The following TMEM63C variants were observed in gnomAD, a reference collection of about 807,000 sequenced individuals.
TMEM63C encodes the protein osmosensitive cation channel TMEM63C.
TMEM63C carries 32 observed loss-of-function variants against 99.2 expected under a neutral mutation model. That is an observed-to-expected ratio of 0.32 (90% confidence interval 0.24 to 0.43). The LOEUF (loss-of-function observed/expected upper bound fraction) is 0.43. Ranked by LOEUF, TMEM63C falls within the 20% of genes least tolerant of loss-of-function variation. The probability of loss-of-function intolerance (pLI) is 1.00; values close to 1 mark genes in which losing one functional copy is unlikely to be tolerated. For missense variants in TMEM63C, 826 were observed against 1,053.0 expected (o/e 0.78, Z 2.98); for synonymous variants, 376 against 397.9 (o/e 0.94, Z 0.66).
At chr14:77,203,259 G>A (rs1000494513) in intron 1 of TMEM63C, among the ~76,000 whole-genome samples, 4 of 148,650 alleles carry the variant, frequency 2.7e-5, no homozygotes, top group Non-Finnish European at 5.9e-5. Flanking sequence ...GTGGGCGCCT[G>A]TAGTCCCAGC....
chr14:77,207,651 G>A (rs140847380), intron 1 of TMEM63C, among the ~76,000 whole-genome samples: 1 of 152,300 alleles, frequency 6.6e-6, no homozygotes, highest in African/African-American at 2.4e-5. Flanking sequence ...GTTTCTGTAC[G>A]TGTAAGATGG....
intron 1 of TMEM63C, among the ~76,000 whole-genome samples, chr14:77,203,186 C>T (rs1339579310): frequency 6.6e-6 from 1 of 151,768 alleles, no homozygotes; most frequent in Non-Finnish European, 1.5e-5. Context: ...GAGACCAGCC[C>T]GGCCAACATA....
At position 77,256,825 on chromosome 14, in the gene TMEM63C, G is replaced by A. The variant is rs1013522966; in HGVS notation, c.*99G>A. The A allele has an allele frequency of 8.6e-7, 1 of 1,169,054 alleles. No homozygotes were observed. Among genetic ancestry groups the A allele is most frequent in the African/African-American group, 1.5e-5 (1 of 65,360 alleles). The allele number at this position is 1,169,054 out of a possible 1,614,324, so 72.4% of individuals were successfully genotyped here. On this transcript the variant is annotated 3_prime_UTR_variant, in exon 24 of 24. Coordinates refer to ENST00000298351, the MANE Select transcript of TMEM63C (RefSeq NM_020431.4). Reference sequence around the variant, plus strand: ...GGCCTGGACCTCCCCACTACCTCCTGCAGACTTTGAGAAGCCCACAGTGGA... The same window carrying A: ...GGCCTGGACCTCCCCACTACCTCCTACAGACTTTGAGAAGCCCACAGTGGA...
intron 10 of TMEM63C, among the ~76,000 whole-genome samples, chr14:77,239,054 A>G (rs1162461017): frequency 1.3e-5 from 2 of 152,186 alleles, no homozygotes; most frequent in African/African-American, 4.8e-5. Context: ...ACCTTGGATC[A>G]CAGCTATTTA....
intron 21 of TMEM63C, among the ~76,000 whole-genome samples, chr14:77,250,311 G>C (rs183051628): frequency 6.6e-6 from 1 of 152,146 alleles, no homozygotes; most frequent in East Asian, 1.9e-4. Flanking sequence ...AAATCTCTCA[G>C]CTTTCTCCCC....
chr14:77,194,334 A>ATGTGTGTGTGTGTGTG (rs756163017), intron 1 of TMEM63C, among the ~76,000 whole-genome samples: 1 of 71,936 alleles, frequency 1.4e-5, no homozygotes, highest in Non-Finnish European at 3.7e-5. Context: ...AGATATATAT[A>ATGTGTGTGTGTGTGTG]TATGTGTGTG....
At chr14:77,192,807 G>A (rs377300020) in intron 1 of TMEM63C, among the ~76,000 whole-genome samples, 1 of 150,394 alleles carries the variant, frequency 6.6e-6, no homozygotes, top group South Asian at 2.1e-4. Context: ...AGGAGGAAGA[G>A]GAAGAAGAAA....
intron 5 of TMEM63C, among the ~76,000 whole-genome samples, chr14:77,222,621 C>A (rs1888745691): frequency 6.6e-6 from 1 of 152,202 alleles, no homozygotes; most frequent in Non-Finnish European, 1.5e-5. Context: ...TCCCCTATCC[C>A]TGCCACATGA....
intron 1 of TMEM63C, among the ~76,000 whole-genome samples, chr14:77,205,710 TG>T (rs950034152): frequency 1.3e-5 from 2 of 152,004 alleles, no homozygotes; most frequent in African/African-American, 4.8e-5. Flanking sequence ...AGATTCCTCG[TG>T]GGGAGCTGGG....
chr14:77,251,760 T>C (rs1176740297), intron 21 of TMEM63C, 29 bp from the exon 22 acceptor site: 25 of 1,591,702 alleles, frequency 1.6e-5, no homozygotes, highest in Non-Finnish European at 2.2e-5. Context: ...GGCAGACTCC[T>C]GCCCATGACT....
Position 77,236,866 on chromosome 14 carries a change from C to T in TMEM63C, c.651+134C>T, listed in dbSNP as rs573716953. ...TGATAGATGGGAGGGGGCGGTTTCA[C>T]CTGAGCAGGGGCCAAGCTTCCTCCC... is the stretch of plus-strand genomic sequence containing the variant. On this transcript the variant is annotated intron_variant, in intron 9 of 23. Transcript: ENST00000298351. 641 of 658,018 alleles carry T rather than the reference C, an allele frequency of 9.7e-4. 3 individuals are homozygous for T. The highest frequency in any genetic ancestry group is 1.1e-3 in the Non-Finnish European group (399 of 367,736). The allele number at this position is 658,018 out of a possible 1,614,324, so 40.8% of individuals were successfully genotyped here.
At position 77,257,157 on chromosome 14, in the gene TMEM63C, A is replaced by T. The variant is rs949244644; in HGVS notation, c.*431A>T. 2.3e-5 allele frequency: 4 copies of T among 174,264 alleles called. No homozygotes were observed. Among genetic ancestry groups the T allele is most frequent in the Non-Finnish European group, 3.7e-5 (3 of 81,914 alleles). 10.8% of individuals were successfully genotyped at this position (174,264 alleles called of 1,614,324 possible). On this transcript the variant is annotated 3_prime_UTR_variant, in exon 24 of 24. Coordinates refer to ENST00000298351, the MANE Select transcript of TMEM63C (RefSeq NM_020431.4). ...AGCTTCTGCTGCTGCTCCTCCTCCC[A>T]GCCCCGGCCCATTCCTCCCCTGCAG... is the stretch of plus-strand genomic sequence containing the variant.
intron 15 of TMEM63C, 78 bp downstream of exon 15, chr14:77,243,134 A>C (rs409306): frequency 1.2e-5 from 18 of 1,549,724 alleles, no homozygotes; most frequent in Middle Eastern, 1.8e-4. Context: ...GGATGGGGGG[A>C]GCCCCCTGGG....
chr14:77,252,859 A>G (rs1022432322), intron 22 of TMEM63C, among the ~76,000 whole-genome samples: 12 of 152,138 alleles, frequency 7.9e-5, no homozygotes, highest in African/African-American at 2.4e-4. Flanking sequence ...GACCCCGCTG[A>G]CTCTGTCTAA....
At chr14:77,250,835 CT>C (rs1197591793) in intron 21 of TMEM63C, among the ~76,000 whole-genome samples, 1 of 152,084 alleles carries the variant, frequency 6.6e-6, no homozygotes, top group Non-Finnish European at 1.5e-5. Flanking sequence ...TTCCATAATG[CT>C]TTTTTTCTAA....
intron 13 of TMEM63C, among the ~76,000 whole-genome samples, chr14:77,242,069 G>A (rs1477102846): frequency 2.0e-5 from 3 of 152,238 alleles, no homozygotes; most frequent in Non-Finnish European, 2.9e-5. Flanking sequence ...TGTCACTGCT[G>A]TTAAGGGGAA....
Position 77,185,037 on chromosome 14 carries a change from C to T in TMEM63C, c.-77+3143C>T, listed in dbSNP as rs566202285. Among the ~76,000 whole-genome samples the T allele has an allele frequency of 1.5e-4, 23 of 152,280 alleles. No homozygotes were observed. In the South Asian group the frequency reaches 1.9e-3, roughly 12 times the overall value. On this transcript the variant is annotated intron_variant, in intron 1 of 23. Transcript: ENST00000298351. The stretch of plus-strand genomic sequence containing the variant: ...CTGAGACATGCAGAGGCAGAGTGGG[C>T]GGGGAAGGGGCGCCTCATTGTCACC...
chr14:77,188,890 AG>A (rs1888052132), intron 1 of TMEM63C, among the ~76,000 whole-genome samples: 2 of 152,204 alleles, frequency 1.3e-5, no homozygotes, highest in African/African-American at 4.8e-5. Flanking sequence ...AATATCTGCA[AG>A]AATAGAATAA....
Position 77,249,271 on chromosome 14 carries a change from T to C in TMEM63C, c.1871-20T>C, listed in dbSNP as rs1889317382. On this transcript the variant is annotated intron_variant, in intron 20 of 23. Transcript: ENST00000298351. ...AGACTTGAAGGGGCCACTGAGTAAG[T>C]TTCCACCTTTGTCCCCCAGGGTTGC... The C allele has an allele frequency of 6.2e-7, 1 of 1,612,690 alleles. No homozygotes were observed.
Sources: gnomAD v4.1 joint callset for allele counts (sites outside exome capture counted in the v4.1 genomes callset) on GRCh38, gnomAD v4.1.1 for gene constraint, MANE v1.5 for transcripts, NCBI Gene and HGNC (gene_info 2026-07-23, HGNC 2026-07-21) for gene names.